RASSF5: variants seen among roughly 807,000 people sequenced by gnomAD.
RASSF5 encodes ras association domain-containing protein 5.
A neutral mutation model predicts 40.5 loss-of-function variants in RASSF5; 25 were observed. The ratio of observed to expected loss-of-function variants is 0.62; its 90% CI spans 0.45 to 0.86. The LOEUF is 0.86. RASSF5 is among the 40% of genes least tolerant of loss of function. The pLI is 0.00. For synonymous variants in RASSF5, 246 were observed against 252.4 expected, an observed-to-expected ratio of 0.97 and a Z score of 0.24; for missense variants, 521 against 572.8, an observed-to-expected ratio of 0.91 and a Z score of 0.92.
At position 206,533,687 on chromosome 1, in the gene RASSF5, C is replaced by T. The variant is rs532235479; in HGVS notation, c.458-4485C>T. On this transcript the variant is annotated intron_variant, in intron 1 of 5. Coordinates refer to ENST00000579436, the MANE Select transcript of RASSF5 (RefSeq NM_182663.4). ...GGATGATGGCTTGAACCTAGGAGTT[C>T]GAGGTTATAGTGAGCTATGGTCATG... 4.6e-5 allele frequency among the ~76,000 whole-genome samples: 7 copies of T among 151,778 alleles called. No individual in the cohort carries two copies. In the South Asian group the frequency reaches 6.3e-4, roughly 14 times the overall value.
intron 2 of RASSF5, chr1:206,544,252 T>C (rs1408854220): frequency 6.6e-6 from 1 of 151,686 alleles, no homozygotes; most frequent in Non-Finnish European, 1.5e-5. Flanking sequence ...CGAGAAGAGG[T>C]GTGTGAAAGC....
chr1:206,578,816 A>T (rs1668758162), intron 2 of RASSF5, among the ~76,000 whole-genome samples: 1 of 152,086 alleles, frequency 6.6e-6, no homozygotes, highest in African/African-American at 2.4e-5. Context: ...GCCTCTCCTT[A>T]GGGCATTAGG....
chr1:206,580,315 AGAG>A (rs1403710281), intron 2 of RASSF5, among the ~76,000 whole-genome samples: 1 of 152,220 alleles, frequency 6.6e-6, no homozygotes, highest in Admixed American at 6.5e-5. Context: ...GGAAACTATG[AGAG>A]GAGATCTTTC....
At position 206,577,956 on chromosome 1, in the gene RASSF5, G is replaced by T. The variant is rs1383120312; in HGVS notation, c.580-5313G>T. Among the ~76,000 whole-genome samples, 3 of 152,070 alleles carry T rather than the reference G, an allele frequency of 2.0e-5. No homozygotes were observed. In the East Asian group the frequency reaches 5.8e-4, roughly 29 times the overall value. ...TAATGTAAGCAGCCAGGCGCGGTGGGTCACACCTGTAATCCTGGCACTTCG... is the reference window on the plus strand; with the variant it reads ...TAATGTAAGCAGCCAGGCGCGGTGGTTCACACCTGTAATCCTGGCACTTCG... On this transcript the variant is annotated intron_variant, in intron 2 of 5. Transcript: ENST00000579436.
intron 1 of RASSF5, among the ~76,000 whole-genome samples, chr1:206,536,878 G>C (rs1028009071): frequency 6.6e-6 from 1 of 151,670 alleles, no homozygotes; most frequent in African/African-American, 2.4e-5. Context: ...TGGGCCTTCT[G>C]GCCGAGCTGA....
intron 1 of RASSF5, among the ~76,000 whole-genome samples, chr1:206,510,989 T>C (rs564927776): frequency 6.6e-6 from 1 of 152,334 alleles, no homozygotes; most frequent in South Asian, 2.1e-4. Flanking sequence ...GAAAGCATTT[T>C]GGAAAACACT....
intron 1 of RASSF5, among the ~76,000 whole-genome samples, chr1:206,534,802 A>C (rs1278639250): frequency 1.3e-5 from 2 of 152,220 alleles, no homozygotes; most frequent in African/African-American, 2.4e-5. Context: ...GAGCACGAGG[A>C]AGCCCCCATG....
chr1:206,584,519 G>T lies in RASSF5; in HGVS notation c.823G>T (p.Asp275Tyr). The T allele has an allele frequency of 6.2e-7, 1 of 1,614,114 alleles. No homozygotes were observed. The highest frequency in any genetic ancestry group is 8.5e-7 in the Non-Finnish European group (1 of 1,179,996). Reference protein sequence around the residue: ...IKEVNLAATTDKRTSFYLPLD... With the variant: ...IKEVNLAATTYKRTSFYLPLD... ...GGAGGTGAACCTGGCGGCTACCACG[G>T]ACAAGCGGACATCCTTCTACCTGCC... Residue 275 changes from aspartate to tyrosine, a missense_variant, in exon 4 of 6, where the codon GAC (aspartate) becomes TAC (tyrosine). This residue lies in a region of RASSF5 where 284 missense variants were observed against 360.8 expected (regional missense o/e 0.79). Transcript: ENST00000579436. The surrounding 1 kb of genome is among the most constrained non-coding windows in gnomAD (Gnocchi z 4.9).
At chr1:206,532,905 C>G (rs962070759) in intron 1 of RASSF5, among the ~76,000 whole-genome samples, 7 of 152,168 alleles carry the variant, frequency 4.6e-5, no homozygotes, top group African/African-American at 1.7e-4. Context: ...TCAACATACC[C>G]ATTTTCTAGT....
chr1:206,539,939 C>T (rs1408319088), intron 2 of RASSF5, among the ~76,000 whole-genome samples: 1 of 152,174 alleles, frequency 6.6e-6, no homozygotes, highest in Non-Finnish European at 1.5e-5. Flanking sequence ...GCCCTGCACG[C>T]CACCCTGGAG....
In RASSF5 at chr1:206,507,698, G is replaced by A; in HGVS notation, c.96G>A (p.Glu32=). 1.1e-5 allele frequency: 16 copies of A among 1,493,852 alleles called. No individual in the cohort carries two copies. The highest frequency in any genetic ancestry group is 1.2e-5 in the Non-Finnish European group (14 of 1,128,290). 92.5% of individuals were successfully genotyped at this position (1,493,852 alleles called of 1,614,324 possible). The change falls in exon 1 of 6, where the codon GAG becomes GAA. Residue 32 remains glutamate, a synonymous_variant. Transcript: ENST00000579436. The stretch of plus-strand genomic sequence containing the variant: ...ATCTACAGAGCCTGAGCGGCCCCGA[G>A]CTACCGCCGCCGCCCCCCGACCGGT... The part of the protein sequence containing the change: ...PRYLQSLSGP[E]LPPPPPDRSS...
intron 1 of RASSF5, among the ~76,000 whole-genome samples, chr1:206,518,224 C>T (rs563487816): frequency 6.6e-6 from 1 of 152,128 alleles, no homozygotes; most frequent in African/African-American, 2.4e-5. Context: ...GACCTCAGTG[C>T]GGAGACAGAA....
rs1667171529 is a variant in RASSF5, at chr1:206,529,177, CA to C, written c.458-8994del. The C allele has an allele frequency of 3.1e-5, 45 of 1,474,794 alleles. No homozygotes were observed. The South Asian group carries it at 5.2e-4, about 17-fold the overall frequency. The allele number at this position is 1,474,794 out of a possible 1,614,324, so 91.4% of individuals were successfully genotyped here. On this transcript the variant is annotated intron_variant, in intron 1 of 5. Transcript: ENST00000579436. The stretch of plus-strand genomic sequence containing the variant: ...TTCACCCAGGCCCTGGACCGCCAAA[CA>C]GCTACTCAGCTGCTTAAGCTGGCCC...
chr1:206,564,451 A>T (rs1553403100), intron 2 of RASSF5, among the ~76,000 whole-genome samples: 5 of 152,200 alleles, frequency 3.3e-5, no homozygotes, highest in Non-Finnish European at 7.3e-5. Flanking sequence ...AGTTTGGGAC[A>T]CATAATATCC....
chr1:206,572,311 C>G (rs576669003), intron 2 of RASSF5, among the ~76,000 whole-genome samples: 1 of 152,322 alleles, frequency 6.6e-6, no homozygotes, highest in African/African-American at 2.4e-5. Context: ...CTTGAGGGAG[C>G]TTCTTCCGAG....
chr1:206,557,384 C>G, intron 2 of RASSF5: 1 of 1,356,454 alleles, frequency 7.4e-7, no homozygotes, highest in South Asian at 1.8e-5. Flanking sequence ...GCGCTCGCAC[C>G]CCGCTGAAAG....
At chr1:206,529,037 C>T (rs1432857132) in intron 1 of RASSF5, 14 of 835,794 alleles carry the variant, frequency 1.7e-5, no homozygotes, top group Non-Finnish European at 2.5e-5. Context: ...TTGGACAGGA[C>T]ATCCAGCCCA....
intron 2 of RASSF5, chr1:206,543,006 G>C (rs1167961253): frequency 6.6e-6 from 1 of 152,204 alleles, no homozygotes; most frequent in East Asian, 1.9e-4. Flanking sequence ...AAGCCCAGGA[G>C]TTTGAGACCA....
intron 2 of RASSF5, among the ~76,000 whole-genome samples, chr1:206,562,358 A>C (rs1668168098): frequency 1.3e-5 from 2 of 152,214 alleles, no homozygotes; most frequent in South Asian, 4.1e-4. Context: ...GTTAGCTCCA[A>C]ATTTCAGCAA....
Sources: allele counts gnomAD v4.1 joint callset (sites outside exome capture counted in the v4.1 genomes callset), GRCh38; gene constraint gnomAD v4.1.1; regional missense constraint gnomAD v4.1.1; non-coding constraint Gnocchi (gnomAD v3.1); transcripts MANE v1.5; gene names NCBI Gene and HGNC (gene_info 2026-07-23, HGNC 2026-07-21).